Variants in SMARCC1 observed in about 807,000 individuals in gnomAD.
SMARCC1 encodes the protein SWI/SNF complex subunit SMARCC1.
Under a neutral mutation model 147.4 loss-of-function variants are expected in SMARCC1, and 43 were observed. The observed-to-expected ratio is 0.29, with a 90% CI of 0.23 to 0.38. SMARCC1 has a LOEUF of 0.38. Ranked by LOEUF, SMARCC1 falls within the 10% of genes least tolerant of loss-of-function variation. SMARCC1 has a pLI of 1.00. For synonymous variants in SMARCC1, 495 were observed against 484.4 expected, an observed-to-expected ratio of 1.02 and a Z score of -0.29; for missense variants, 1,119 against 1,381.1, an observed-to-expected ratio of 0.81 and a Z score of 3.01.
chr3:47,604,075 G>T (rs1377290313), intron 26 of SMARCC1: 1 of 456,708 alleles, frequency 2.2e-6, no homozygotes, highest in Non-Finnish European at 4.4e-6. Context: ...ACTTACAGAG[G>T]TATCGGTACA....
At chr3:47,761,278 G>A (rs2034770590) in intron 2 of SMARCC1, among the ~76,000 whole-genome samples, 2 of 152,022 alleles carry the variant, frequency 1.3e-5, no homozygotes, top group Middle Eastern at 3.4e-3. Flanking sequence ...CTTTAGCCTG[G>A]GTGACAGAGC....
intron 25 of SMARCC1, among the ~76,000 whole-genome samples, chr3:47,614,389 T>C (rs1280717948): frequency 6.6e-6 from 1 of 152,138 alleles, no homozygotes; most frequent in Non-Finnish European, 1.5e-5. Context: ...AAAACTACCT[T>C]TAATGTAATA....
intron 21 of SMARCC1, among the ~76,000 whole-genome samples, chr3:47,660,912 A>G (rs1027142223): frequency 6.6e-6 from 1 of 152,220 alleles, no homozygotes; most frequent in African/African-American, 2.4e-5. Context: ...CTCAGCTAAA[A>G]AAACCCCCAA....
At chr3:47,779,010 A>G (rs911221236) in intron 1 of SMARCC1, among the ~76,000 whole-genome samples, 1 of 150,848 alleles carries the variant, frequency 6.6e-6, no homozygotes, top group Admixed American at 6.6e-5. Flanking sequence ...AAATTCCTAA[A>G]TGAAGTCTCA....
intron 10 of SMARCC1, 145 bp downstream of exon 10, chr3:47,706,264 G>T: frequency 1.6e-6 from 1 of 638,200 alleles, no homozygotes; most frequent in Non-Finnish European, 2.3e-6. Context: ...TAGAGACGAG[G>T]TTTCACCATG....
intron 21 of SMARCC1, among the ~76,000 whole-genome samples, chr3:47,654,381 A>G (rs1370216773): frequency 6.6e-6 from 1 of 152,228 alleles, no homozygotes; most frequent in Non-Finnish European, 1.5e-5. Context: ...CAGTCTCCAT[A>G]TAAGAAAAAG....
At chr3:47,609,848 A>G (rs2032537204) in intron 26 of SMARCC1, among the ~76,000 whole-genome samples, 1 of 152,212 alleles carries the variant, frequency 6.6e-6, no homozygotes, top group South Asian at 2.1e-4. Context: ...TCAGAGGCTG[A>G]CCTACTCAAC....
chr3:47,707,900 T>C, intron 9 of SMARCC1, among the ~76,000 whole-genome samples: 1 of 152,030 alleles, frequency 6.6e-6, no homozygotes, highest in East Asian at 1.9e-4. Flanking sequence ...AAAAAATCCA[T>C]GAATTAAACA....
intron 24 of SMARCC1, among the ~76,000 whole-genome samples, chr3:47,633,175 T>A (rs1470141234): frequency 6.6e-6 from 1 of 152,140 alleles, no homozygotes; most frequent in Middle Eastern, 3.2e-3. Context: ...TTTATTTGAA[T>A]GTGAGTTATA....
chr3:47,622,415 T>C, intron 24 of SMARCC1, 74 bp from the exon 25 acceptor site: 1 of 1,374,908 alleles, frequency 7.3e-7, no homozygotes. Flanking sequence ...GCTGACAATA[T>C]TCAAAGTAGA....
At chr3:47,708,112 T>C (rs1326191529) in intron 9 of SMARCC1, among the ~76,000 whole-genome samples, 1 of 103,474 alleles carries the variant, frequency 9.7e-6, no homozygotes, top group Non-Finnish European at 2.0e-5. Context: ...TTTTTTTTTT[T>C]TTTTTGAGAC....
chr3:47,681,059 G>A (rs912565314), intron 14 of SMARCC1, among the ~76,000 whole-genome samples: 3 of 151,898 alleles, frequency 2.0e-5, no homozygotes, highest in South Asian at 2.1e-4. Flanking sequence ...AACTACTATC[G>A]ACACACTGAA....
chr3:47,748,490 C>T (rs2034591905), intron 2 of SMARCC1, among the ~76,000 whole-genome samples: 1 of 152,012 alleles, frequency 6.6e-6, no homozygotes, highest in South Asian at 2.1e-4. Context: ...TCCCAAAGTG[C>T]TGGGATTACA....
chr3:47,681,475 G>A (rs1276823778), intron 14 of SMARCC1, among the ~76,000 whole-genome samples: 4 of 152,118 alleles, frequency 2.6e-5, no homozygotes, highest in Admixed American at 2.6e-4. Flanking sequence ...CAGGTAAAAT[G>A]ATCAGGCCTA....
At chr3:47,765,590 C>T (rs1370488090) in intron 2 of SMARCC1, among the ~76,000 whole-genome samples, 1 of 152,134 alleles carries the variant, frequency 6.6e-6, no homozygotes, top group African/African-American at 2.4e-5. Flanking sequence ...CAAATGCTCA[C>T]TTCAAATATA....
At chr3:47,770,225 CA>C (rs112564565) in intron 2 of SMARCC1, among the ~76,000 whole-genome samples, 7 of 145,928 alleles carry the variant, frequency 4.8e-5, no homozygotes, top group South Asian at 2.2e-4. Context: ...GAGACTGTCT[CA>C]AAAAAAAAAT....
chr3:47,749,481 C>T (rs993418764), intron 2 of SMARCC1, among the ~76,000 whole-genome samples: 1 of 151,190 alleles, frequency 6.6e-6, no homozygotes, highest in African/African-American at 2.4e-5. Context: ...GGCAACATAG[C>T]GAAACCTCAT....
chr3:47,685,023 ATTCTTT>A (rs558525598), intron 14 of SMARCC1, among the ~76,000 whole-genome samples: 16 of 152,204 alleles, frequency 1.1e-4, no homozygotes, highest in Non-Finnish European at 2.1e-4. Flanking sequence ...TCAGCACACA[ATTCTTT>A]TTAAGTCGGA....
chr3:47,657,654 A>C (rs538148291), intron 21 of SMARCC1, among the ~76,000 whole-genome samples: 5 of 151,916 alleles, frequency 3.3e-5, no homozygotes, highest in Non-Finnish European at 5.9e-5. Context: ...ACACACACAC[A>C]CCAACAAAAA....
Sources: allele counts gnomAD v4.1 joint callset (sites outside exome capture counted in the v4.1 genomes callset), GRCh38; gene constraint gnomAD v4.1.1; transcripts MANE v1.5; gene names NCBI Gene and HGNC (gene_info 2026-07-23, HGNC 2026-07-21).